Variants in TAF1 observed in about 807,000 individuals in gnomAD.
TAF1 encodes TATA-box binding protein associated factor 1.
In TAF1, 2 loss-of-function variants were observed where a neutral mutation model predicts 138.5. The observed-to-expected ratio is 0.01, with a 90% CI of 0.01 to 0.05. TAF1 has a LOEUF of 0.05. Ranked by LOEUF, TAF1 falls within the 10% of genes least tolerant of loss-of-function variation. The pLI is 1.00. For missense variants in TAF1, 709 were observed against 1,478.0 expected (o/e 0.48, Z 8.53); for synonymous variants, 437 against 503.2 (o/e 0.87, Z 1.76).
In TAF1 at chrX:71,464,305, G is replaced by A. The variant is rs997401996; in HGVS notation, c.*259G>A. 7.6e-6 allele frequency: 3 copies of A among 392,455 alleles called. No individual in the cohort carries two copies. The highest frequency in any genetic ancestry group is 1.3e-5 in the Non-Finnish European group (3 of 229,691). 32.3% of individuals were successfully genotyped at this position (392,455 alleles called of 1,213,427 possible). ...CGGAAAAGAGCAAGCTCATTTTTCC[G>A]TGTCCTCCTTTATTTAACTCCATTT... On this transcript the variant is annotated 3_prime_UTR_variant, in exon 38 of 38. Transcript: ENST00000423759.
chrX:71,504,463 C>T (rs749798809), intron 13 of TAF1, among the ~76,000 whole-genome samples: 27 of 109,776 alleles, frequency 2.5e-4, no homozygotes, highest in Admixed American at 7.0e-4. Flanking sequence ...AGAAAACATT[C>T]TGCAGGGGCC....
intron 32 of TAF1, among the ~76,000 whole-genome samples, chrX:71,428,694 A>ATG (rs2036720450): frequency 8.9e-6 from 1 of 112,087 alleles, no homozygotes; most frequent in Non-Finnish European, 1.9e-5. Flanking sequence ...AAAGGGGATG[A>ATG]TGTTATAGTG....
Position 71,387,449 on chromosome X carries a change from A to G in TAF1, c.2415A>G (p.Arg805=). The change falls in exon 15 of 38, where the codon CGA becomes CGG. Residue 805 remains arginine, a synonymous_variant. Transcript: ENST00000423759. The stretch of plus-strand genomic sequence containing the variant: ...CCAAAAGGGCCAATACGCATATTCG[A>G]GACTTTCTACAGGTAAGAATGGGAG... ...PNSKRANTHI[R]DFLQVFIYRL... 1 of 1,211,779 alleles carries G rather than the reference A, an allele frequency of 8.3e-7. No homozygotes were observed. The highest frequency in any genetic ancestry group is 1.1e-6 in the Non-Finnish European group (1 of 895,561).
At chrX:71,508,106 A>ATATATATATATATC (rs2039664318) in intron 13 of TAF1, among the ~76,000 whole-genome samples, 1 of 104,864 alleles carries the variant, frequency 9.5e-6, no homozygotes, top group Admixed American at 1.0e-4. Flanking sequence ...ATATATATAT[A>ATATATATATATATC]TATATATGAA....
chrX:71,425,403 G>A (rs972247479), intron 32 of TAF1, among the ~76,000 whole-genome samples: 3 of 111,742 alleles, frequency 2.7e-5, no homozygotes, highest in Non-Finnish European at 5.6e-5. Flanking sequence ...AGGCTGAGGT[G>A]GGAGGATTGC....
chrX:71,503,525 A>G (rs1388893447), intron 13 of TAF1, among the ~76,000 whole-genome samples: 3 of 109,411 alleles, frequency 2.7e-5, no homozygotes, highest in African/African-American at 1.0e-4. Context: ...TCTCTTGAAC[A>G]CTGTGGCTGT....
intron 3 of TAF1, among the ~76,000 whole-genome samples, chrX:71,373,411 G>A (rs756539063): frequency 1.9e-5 from 2 of 106,257 alleles, no homozygotes; most frequent in African/African-American, 6.9e-5. Flanking sequence ...CAGGCAATCC[G>A]CTCGCCTCAG....
rs764276123 is a variant in TAF1 at position 71,519,503 on chromosome X, C to A, written c.1367-9039C>A. ...CTAAAAATACAAAAAATCAGCCAGG[C>A]GTGGTGGCGGGCGCCTGTAGTCCCA... On this transcript the variant is annotated intron_variant and NMD_transcript_variant, in intron 13 of 14. Transcript: ENST00000373775. 2.8e-5 allele frequency among the ~76,000 whole-genome samples: 3 copies of A among 105,610 alleles called. No individual in the cohort carries two copies. In the South Asian group the frequency reaches 1.3e-3, roughly 47 times the overall value. 91.7% of individuals were successfully genotyped at this position (105,610 alleles called of 115,157 possible).
At chrX:71,444,369 A>C (rs753346965) in intron 32 of TAF1, among the ~76,000 whole-genome samples, 207 of 111,312 alleles carry the variant, frequency 1.9e-3, no homozygotes, top group Middle Eastern at 4.6e-3. Flanking sequence ...TTTATTACAT[A>C]TATGATTTGC....
intron 28 of TAF1, among the ~76,000 whole-genome samples, chrX:71,419,166 A>G (rs1451511277): frequency 8.9e-6 from 1 of 111,796 alleles, no homozygotes; most frequent in Non-Finnish European, 1.9e-5. Flanking sequence ...CAAATTTTAT[A>G]TGTTAAGTGT....
At chrX:71,417,900 C>T (rs1047217251) in intron 28 of TAF1, among the ~76,000 whole-genome samples, 2 of 111,343 alleles carry the variant, frequency 1.8e-5, no homozygotes, top group Middle Eastern at 4.6e-3. Flanking sequence ...AATTGTTAGA[C>T]ACATACAGAA....
At chrX:71,426,108 AGT>A (rs2036578081) in intron 32 of TAF1, among the ~76,000 whole-genome samples, 1 of 108,889 alleles carries the variant, frequency 9.2e-6, no homozygotes, top group Non-Finnish European at 1.9e-5. Flanking sequence ...AAAAAAAAAA[AGT>A]GGGGTTAGAG....
intron 13 of TAF1, among the ~76,000 whole-genome samples, chrX:71,507,907 C>T (rs964421027): frequency 2.7e-5 from 3 of 109,555 alleles, no homozygotes; most frequent in African/African-American, 1.0e-4. Flanking sequence ...ATGAGAATCA[C>T]GTGAATCTGG....
chrX:71,381,760 G>A lies in TAF1; in HGVS notation c.1378G>A (p.Asp460Asn). ...TTGACTAGGTTTTGCAGCCACTCTT[G>A]ATGATGACAAACCTTGGTACTCCAT... Reference protein sequence around the residue: ...NVQQGFAATLDDDKPWYSIFP... With the variant: ...NVQQGFAATLNDDKPWYSIFP... Residue 460 changes from aspartate to asparagine, a missense_variant, in exon 9 of 38, where the codon GAT becomes AAT. Asp to Asn is a conservative substitution (Grantham distance 23). Coordinates refer to ENST00000423759, the MANE Select transcript of TAF1 (RefSeq NM_004606.5). 2 of 1,209,926 alleles carry A rather than the reference G, an allele frequency of 1.7e-6. No individual in the cohort carries two copies. The highest frequency in any genetic ancestry group is 3.0e-5 in the East Asian group (1 of 33,683).
At chrX:71,439,537 C>T (rs1378488648) in intron 32 of TAF1, among the ~76,000 whole-genome samples, 1 of 111,758 alleles carries the variant, frequency 8.9e-6, no homozygotes, top group African/African-American at 3.3e-5. Context: ...TGCCTGCCCT[C>T]CCACTCCTGT....
chrX:71,415,128 C>CTTTTTTT (rs1158533765), intron 28 of TAF1, among the ~76,000 whole-genome samples: 18 of 51,627 alleles, frequency 3.5e-4, no homozygotes, highest in African/African-American at 9.6e-4. Flanking sequence ...AAAGTTTTGT[C>CTTTTTTT]TTTTTTTTTT....
chrX:71,441,685 CTTTT>C (rs772438127), intron 32 of TAF1: 1 of 258,620 alleles, frequency 3.9e-6, no homozygotes, highest in African/African-American at 3.0e-5. Context: ...AATTTTGTAT[CTTTT>C]TTTTTTCTAG....
intron 32 of TAF1, among the ~76,000 whole-genome samples, chrX:71,427,807 C>T (rs751068626): frequency 2.8e-5 from 3 of 106,407 alleles, no homozygotes; most frequent in East Asian, 3.0e-4. Flanking sequence ...GGCGTGGAGG[C>T]GGGTGCCTGT....
rs28382197 is a variant in TAF1 at position 71,423,020 on chromosome X, G to A, written c.4453-97G>A. 1,196 of 1,116,272 alleles carry A rather than the reference G, an allele frequency of 1.1e-3. 9 individuals are homozygous for A. The African/African-American group carries it at 0.02, about 19-fold the overall frequency. 92.0% of individuals were successfully genotyped at this position (1,116,272 alleles called of 1,213,427 possible). On this transcript the variant is annotated intron_variant, in intron 29 of 37. Coordinates refer to ENST00000423759, the MANE Select transcript of TAF1 (RefSeq NM_004606.5). ...GCCTCCCAAAGTGCTGGGATTACAGGCGTGAGCCACCACGCCCGGCAAATT... is the reference window on the plus strand; with the variant it reads ...GCCTCCCAAAGTGCTGGGATTACAGACGTGAGCCACCACGCCCGGCAAATT...
Sources: gnomAD v4.1 joint callset for allele counts (sites outside exome capture counted in the v4.1 genomes callset) on GRCh38, gnomAD v4.1.1 for gene constraint, MANE v1.5 for transcripts, NCBI Gene and HGNC (gene_info 2026-07-23, HGNC 2026-07-21) for gene names.